The following ATP11B variants were observed in gnomAD, a reference collection of about 807,000 sequenced individuals.
ATP11B encodes phospholipid-transporting ATPase IF.
Under a neutral mutation model 157.8 loss-of-function variants are expected in ATP11B, and 81 were observed. The observed-to-expected ratio is 0.51, with a 90% confidence interval of 0.43 to 0.62. The LOEUF is 0.62. ATP11B is among the 20% of genes least tolerant of loss of function. ATP11B has a pLI of 0.00. For missense variants in ATP11B, 1,165 were observed against 1,402.2 expected (o/e 0.83, Z 2.70); for synonymous variants, 451 against 469.4 (o/e 0.96, Z 0.51).
rs113443977 is a variant in ATP11B, at chr3:182,859,472, C to T, written c.1200+113C>T. 8.8e-4 allele frequency: 777 copies of T among 880,180 alleles called. 3 individuals carry two copies. The East Asian group carries it at 0.012, about 14-fold the overall frequency. 54.5% of individuals were successfully genotyped at this position (880,180 alleles called of 1,614,324 possible). A position where few individuals can be genotyped will look rare whatever the true frequency, so the allele number is the denominator to read the frequency against. On this transcript the variant is annotated intron_variant, in intron 12 of 29. Transcript: ENST00000323116. ...TGATGCTTATACCAAAAACAACCCC[C>T]CTTTGCTCCACTCCTAGCTGTTCCC...
At chr3:182,917,306 A>T (rs367569012) in intron 29 of ATP11B, 1 of 985,234 alleles carries the variant, frequency 1.0e-6, no homozygotes, top group East Asian at 1.1e-4. Context: ...AGGTTAGTCT[A>T]TTTTAAGCAT....
intron 28 of ATP11B, among the ~76,000 whole-genome samples, chr3:182,912,940 G>A (rs769040290): frequency 7.2e-5 from 11 of 151,942 alleles, no homozygotes; most frequent in East Asian, 1.9e-4. Context: ...GAAAAATTTC[G>A]GAGCATCTTT....
At chr3:182,855,627 A>G (rs950989336) in intron 10 of ATP11B, among the ~76,000 whole-genome samples, 2 of 152,170 alleles carry the variant, frequency 1.3e-5, no homozygotes, top group East Asian at 3.8e-4. Flanking sequence ...CAAACCACAA[A>G]TCTTCCAGAG....
intron 29 of ATP11B, chr3:182,915,369 A>C (rs1725070885): frequency 1.0e-6 from 1 of 985,300 alleles, no homozygotes; most frequent in South Asian, 4.7e-5. Context: ...AAGGATGAGC[A>C]CTTAAACTCT....
intron 4 of ATP11B, among the ~76,000 whole-genome samples, chr3:182,834,658 C>A (rs1160211054): frequency 6.6e-6 from 1 of 152,154 alleles, no homozygotes; most frequent in Admixed American, 6.5e-5. Context: ...GAAGTCTTTT[C>A]CACTTAAAAG....
chr3:182,881,740 T>G (rs1438623826), intron 21 of ATP11B, among the ~76,000 whole-genome samples: 1 of 152,194 alleles, frequency 6.6e-6, no homozygotes, highest in Non-Finnish European at 1.5e-5. Flanking sequence ...TATTTTATCC[T>G]TTTTAAATTC....
intron 3 of ATP11B, 131 bp downstream of exon 3, chr3:182,828,340 G>A (rs1410029620): frequency 8.9e-6 from 4 of 448,964 alleles, no homozygotes; most frequent in Non-Finnish European, 1.2e-5. Context: ...CTTCTGCATT[G>A]TATTCAGTGA....
rs987225971 is a variant in ATP11B at position 182,851,615 on chromosome 3, C to T, written c.851+3058C>T. Among the ~76,000 whole-genome samples the T allele has an allele frequency of 5.0e-4, 76 of 152,154 alleles. 1 individual carries two copies. The highest frequency in any genetic ancestry group is 2.2e-4 in the Non-Finnish European group (15 of 68,028). On this transcript the variant is annotated intron_variant, in intron 10 of 29. Transcript: ENST00000323116. ...TATAAATTACAATAAGGTAAAGATG[C>T]ATATTCTGACCTCTAGAGCTTCCAT...
intron 23 of ATP11B, among the ~76,000 whole-genome samples, chr3:182,887,166 A>G (rs1475086277): frequency 6.6e-6 from 1 of 152,224 alleles, no homozygotes; most frequent in Non-Finnish European, 1.5e-5. Flanking sequence ...AGTCTTGTTC[A>G]GTGCCTTAAA....
intron 23 of ATP11B, among the ~76,000 whole-genome samples, chr3:182,886,218 A>C (rs1167417303): frequency 6.6e-6 from 1 of 152,150 alleles, no homozygotes; most frequent in East Asian, 1.9e-4. Context: ...GAGTGTTAAT[A>C]CCAAAATGTA....
intron 9 of ATP11B, among the ~76,000 whole-genome samples, chr3:182,848,192 T>G (rs1413723181): frequency 6.6e-6 from 1 of 152,238 alleles, no homozygotes; most frequent in African/African-American, 2.4e-5. Context: ...CCAGATTCTT[T>G]TCCTCTATCA....
chr3:182,908,077 T>C (rs759873269), intron 28 of ATP11B, among the ~76,000 whole-genome samples: 1 of 152,162 alleles, frequency 6.6e-6, no homozygotes, highest in East Asian at 1.9e-4. Flanking sequence ...TATGTTGTTA[T>C]TTATGTAACC....
At chr3:182,878,923 T>G (rs1341289577) in intron 19 of ATP11B, among the ~76,000 whole-genome samples, 1 of 152,216 alleles carries the variant, frequency 6.6e-6, no homozygotes, top group Non-Finnish European at 1.5e-5. Flanking sequence ...GATTATGTAT[T>G]ACAATTCACA....
chr3:182,915,400 A>G (rs1396155006), intron 29 of ATP11B: 7 of 985,294 alleles, frequency 7.1e-6, no homozygotes, highest in East Asian at 1.1e-4. Flanking sequence ...TATGATTTAC[A>G]TAATTGTATT....
At chr3:182,916,068 C>A in intron 29 of ATP11B, 3 of 985,266 alleles carry the variant, frequency 3.0e-6, no homozygotes, top group Non-Finnish European at 3.6e-6. Context: ...TATAATAACA[C>A]CAAGCTACCT....
chr3:182,835,720 G>A (rs953525839), intron 4 of ATP11B, among the ~76,000 whole-genome samples: 6 of 152,170 alleles, frequency 3.9e-5, no homozygotes, highest in African/African-American at 1.4e-4. Context: ...CACAGGGATA[G>A]AAGAAATCTC....
intron 10 of ATP11B, among the ~76,000 whole-genome samples, chr3:182,850,544 C>T (rs1490147278): frequency 6.6e-6 from 1 of 151,948 alleles, no homozygotes; most frequent in African/African-American, 2.4e-5. Context: ...GCCAGAATGG[C>T]TATTATTAAA....
intron 4 of ATP11B, among the ~76,000 whole-genome samples, chr3:182,835,610 A>G (rs1024146980): frequency 1.3e-5 from 2 of 152,182 alleles, no homozygotes; most frequent in African/African-American, 4.8e-5. Context: ...AAATTGAGAT[A>G]TTAATAAAGC....
chr3:182,800,349 G>A (rs1183056409), intron 1 of ATP11B, among the ~76,000 whole-genome samples: 1 of 150,368 alleles, frequency 6.7e-6, no homozygotes, highest in African/African-American at 2.5e-5. Flanking sequence ...AGCCTCCTGA[G>A]TAGCTAAGAC....
Sources: allele counts gnomAD v4.1 joint callset (sites outside exome capture counted in the v4.1 genomes callset), GRCh38; gene constraint gnomAD v4.1.1; transcripts MANE v1.5; gene names NCBI Gene and HGNC (gene_info 2026-07-23, HGNC 2026-07-21).